The following GREB1L variants were observed in gnomAD, a reference collection of about 807,000 sequenced individuals.
The protein encoded by GREB1L is GREB1 like retinoic acid receptor coactivator, also known as GREB1-like protein.
Under a neutral mutation model 200.8 loss-of-function variants are expected in GREB1L, and 17 were observed. The observed-to-expected ratio is 0.08, with a 90% CI of 0.06 to 0.13. GREB1L has a LOEUF of 0.13. Among genes scored for constraint, GREB1L ranks in the 10% least tolerant of loss-of-function variants. GREB1L has a pLI of 1.00. For synonymous variants in GREB1L, 789 were observed against 893.0 expected (o/e 0.88, Z 2.08); for missense variants, 1,657 against 2,367.7 (o/e 0.70, Z 6.23).
At chr18:21,484,737 C>T (rs947922843) in intron 17 of GREB1L, among the ~76,000 whole-genome samples, 1 of 152,040 alleles carries the variant, frequency 6.6e-6, no homozygotes. Flanking sequence ...GCAGGAGAAT[C>T]GCTTGAAACC....
At chr18:21,305,104 T>C (rs925938085) in intron 1 of GREB1L, among the ~76,000 whole-genome samples, 2 of 151,924 alleles carry the variant, frequency 1.3e-5, no homozygotes, top group African/African-American at 4.8e-5. Context: ...GCCTCCCGAG[T>C]AGCTGGGACT....
chr18:21,379,310 G>A (rs1357322234), intron 2 of GREB1L, among the ~76,000 whole-genome samples: 2 of 152,232 alleles, frequency 1.3e-5, no homozygotes, highest in South Asian at 2.1e-4. Context: ...GGGTTCAAGC[G>A]ATTCTCCTGC....
chr18:21,382,460 A>G (rs371867068), intron 2 of GREB1L, among the ~76,000 whole-genome samples: 56 of 151,932 alleles, frequency 3.7e-4, no homozygotes, highest in African/African-American at 1.3e-3. Flanking sequence ...TTAGCACCCA[A>G]TAAATTGTAG....
intron 21 of GREB1L, among the ~76,000 whole-genome samples, chr18:21,498,999 A>T (rs2036666277): frequency 6.6e-6 from 1 of 152,170 alleles, no homozygotes; most frequent in Non-Finnish European, 1.5e-5. Context: ...GGACAAACAC[A>T]CTTGAAAGGA....
intron 1 of GREB1L, among the ~76,000 whole-genome samples, chr18:21,327,836 C>A (rs1310262417): frequency 6.6e-6 from 1 of 152,034 alleles, no homozygotes; most frequent in African/African-American, 2.4e-5. Flanking sequence ...CCTCAGCCTC[C>A]CGAGTAGCTG....
intron 7 of GREB1L, among the ~76,000 whole-genome samples, chr18:21,435,537 A>G (rs190285024): frequency 2.5e-4 from 38 of 152,252 alleles, no homozygotes; most frequent in Admixed American, 1.7e-3. Flanking sequence ...AAGTTCTCAG[A>G]GGAGCCTGGT....
rs2033895054 is a variant in GREB1L, at chr18:21,441,419, A to G, written c.1089A>G (p.Pro363=). The G allele has an allele frequency of 1.3e-6, 2 of 1,545,254 alleles. No homozygotes were observed. The highest frequency in any genetic ancestry group is 1.7e-6 in the Non-Finnish European group (2 of 1,145,310). ...TTCCAGAGCCCCTTTTATCTGCCCC[A>G]GTTCCACAGACCCCACTAACTGGAA... The part of the protein sequence containing the change: ...LSRTEPLLSA[P]VPQTPLTGIL... The change falls in exon 10 of 33, where the codon CCA becomes CCG. Residue 363 remains proline, a synonymous_variant. Transcript: ENST00000424526.
At chr18:21,472,228 A>G (rs2035511281) in intron 15 of GREB1L, among the ~76,000 whole-genome samples, 2 of 152,254 alleles carry the variant, frequency 1.3e-5, no homozygotes, top group African/African-American at 4.8e-5. Context: ...AAAAGAAAAG[A>G]CAGATAAAAT....
chr18:21,441,427 A>G lies in GREB1L; in HGVS notation c.1097A>G (p.Gln366Arg). Residue 366 changes from glutamine (Q) to arginine (R), a missense_variant, in exon 10 of 33, where the codon CAG becomes CGG. Gln to Arg is a conservative substitution (Grantham distance 43). Coordinates refer to ENST00000424526, the MANE Select transcript of GREB1L (RefSeq NM_001142966.3). ...TEPLLSAPVP[Q>R]TPLTGILQPR... ...CCCCTTTTATCTGCCCCAGTTCCAC[A>G]GACCCCACTAACTGGAATTTTACAA... is the stretch of plus-strand genomic sequence containing the variant. 1 of 1,549,768 alleles carries G rather than the reference A, an allele frequency of 6.5e-7. No homozygotes were observed. Among genetic ancestry groups the G allele is most frequent in the Non-Finnish European group, 8.7e-7 (1 of 1,146,452 alleles).
At chr18:21,261,771 A>G (rs1191570296) in intron 1 of GREB1L, among the ~76,000 whole-genome samples, 2 of 152,164 alleles carry the variant, frequency 1.3e-5, no homozygotes, top group Non-Finnish European at 2.9e-5. Flanking sequence ...CTTAAGCCAC[A>G]TAAATGTAAA....
chr18:21,330,061 A>T (rs1044938234), intron 1 of GREB1L, among the ~76,000 whole-genome samples: 1 of 152,012 alleles, frequency 6.6e-6, no homozygotes, highest in African/African-American at 2.4e-5. Context: ...ACTGAAGAAA[A>T]ACCATAATTA....
In GREB1L at chr18:21,452,014, T is replaced by A. The variant is rs905137089; in HGVS notation, c.1850-69T>A. ...ACTGAGAACAGCCTAACTGCCCAAC[T>A]TGGGCAGTTAATAAAAATGAAACAA... On this transcript the variant is annotated intron_variant, in intron 13 of 32. Transcript: ENST00000424526. 10 of 1,460,828 alleles carry A rather than the reference T, an allele frequency of 6.8e-6. No individual in the cohort carries two copies. In the Admixed American group the frequency reaches 1.5e-4, roughly 21 times the overall value. The allele number at this position is 1,460,828 out of a possible 1,614,324, so 90.5% of individuals were successfully genotyped here.
intron 1 of GREB1L, among the ~76,000 whole-genome samples, chr18:21,251,944 CA>C (rs11422185): frequency 0.04 from 2,880 of 72,848 alleles, 27 homozygotes; most frequent in Non-Finnish European, 0.065. Flanking sequence ...GACTCCATCT[CA>C]AAAAAAAAAA....
intron 4 of GREB1L, among the ~76,000 whole-genome samples, chr18:21,394,070 G>A (rs575354775): frequency 5.9e-5 from 9 of 152,206 alleles, no homozygotes; most frequent in African/African-American, 2.2e-4. Context: ...CTGTGCTGAC[G>A]GAGTTCCCTC....
chr18:21,441,862 A>G (rs534618868), intron 10 of GREB1L, among the ~76,000 whole-genome samples: 1 of 152,198 alleles, frequency 6.6e-6, no homozygotes, highest in East Asian at 1.9e-4. Context: ...GTTCACAACC[A>G]GGAGCAACCA....
At chr18:21,394,573 G>A (rs1167004345) in intron 4 of GREB1L, among the ~76,000 whole-genome samples, 1 of 152,108 alleles carries the variant, frequency 6.6e-6, no homozygotes, top group Non-Finnish European at 1.5e-5. Flanking sequence ...GTAAGATTTT[G>A]TCACATCTTG....
At chr18:21,515,768 A>C in intron 29 of GREB1L, 124 bp downstream of exon 29, 2 of 731,162 alleles carry the variant, frequency 2.7e-6, no homozygotes, top group Non-Finnish European at 4.5e-6. Flanking sequence ...TATGTGGGCA[A>C]GGAGAAAGGG....
At chr18:21,263,038 C>A (rs2037913487) in intron 1 of GREB1L, among the ~76,000 whole-genome samples, 1 of 152,116 alleles carries the variant, frequency 6.6e-6, no homozygotes, top group African/African-American at 2.4e-5. Context: ...GGTTTATACC[C>A]CACATGCAGA....
chr18:21,398,041 A>G (rs966731728), intron 5 of GREB1L, among the ~76,000 whole-genome samples: 6 of 152,238 alleles, frequency 3.9e-5, no homozygotes, highest in Non-Finnish European at 8.8e-5. Flanking sequence ...ACTGTCGACA[A>G]TGAAAATCTC....
Sources: gnomAD v4.1 joint callset for allele counts (sites outside exome capture counted in the v4.1 genomes callset) on GRCh38, gnomAD v4.1.1 for gene constraint, MANE v1.5 for transcripts, NCBI Gene and HGNC (gene_info 2026-07-23, HGNC 2026-07-21) for gene names.